The following NKAIN2 variants were observed in gnomAD, a reference collection of about 807,000 sequenced individuals.
The protein encoded by NKAIN2 is sodium/potassium-transporting ATPase subunit beta-1-interacting protein 2.
In NKAIN2, 14 loss-of-function variants were observed where a neutral mutation model predicts 32.6. The observed-to-expected ratio is 0.43, with a 90% CI of 0.28 to 0.67. The LOEUF (loss-of-function observed/expected upper bound fraction) is 0.67, where lower values mean the gene tolerates loss of function less well. Ranked by LOEUF, NKAIN2 falls within the 30% of genes least tolerant of loss-of-function variation. NKAIN2 has a pLI of 0.17. For missense variants in NKAIN2, 198 were observed against 258.3 expected (o/e 0.77, Z 1.60); for synonymous variants, 80 against 87.2 (o/e 0.92, Z 0.46).
At chr6:124,225,642 T>C (rs1792066168) in intron 1 of NKAIN2, among the ~76,000 whole-genome samples, 1 of 151,968 alleles carries the variant, frequency 6.6e-6, no homozygotes, top group Non-Finnish European at 1.5e-5. Context: ...AAATTAAATA[T>C]GGAAAAATAT....
intron 1 of NKAIN2, among the ~76,000 whole-genome samples, chr6:124,069,749 C>T (rs1455915509): frequency 2.0e-5 from 3 of 152,166 alleles, no homozygotes; most frequent in African/African-American, 4.8e-5. Context: ...GTCCTGCTAG[C>T]AGGTGCCACC....
intron 1 of NKAIN2, among the ~76,000 whole-genome samples, chr6:124,206,818 A>G (rs2114644846): frequency 6.6e-6 from 1 of 151,978 alleles, no homozygotes; most frequent in Middle Eastern, 3.4e-3. Context: ...TGGGATTAGC[A>G]CAAAGACTAA....
chr6:124,219,049 A>T (rs910553524), intron 1 of NKAIN2, among the ~76,000 whole-genome samples: 2 of 152,030 alleles, frequency 1.3e-5, no homozygotes, highest in South Asian at 4.1e-4. Context: ...GACCACCTCC[A>T]TGATGCAATC....
chr6:124,509,464 C>T (rs1778626441), intron 3 of NKAIN2, among the ~76,000 whole-genome samples: 1 of 152,178 alleles, frequency 6.6e-6, no homozygotes, highest in African/African-American at 2.4e-5. Context: ...TATAGGTCAT[C>T]GTTGGGCTAA....
intron 3 of NKAIN2, among the ~76,000 whole-genome samples, chr6:124,449,851 C>A (rs78460738): frequency 0.046 from 6,957 of 152,170 alleles, 271 homozygotes; most frequent in Non-Finnish European, 0.066. Context: ...TCAAGAAATG[C>A]TAATTAGATT....
chr6:124,615,113 A>G (rs1178935863), intron 3 of NKAIN2, among the ~76,000 whole-genome samples: 1 of 152,140 alleles, frequency 6.6e-6, no homozygotes, highest in Non-Finnish European at 1.5e-5. Flanking sequence ...CTGCCTATAT[A>G]TGTATTTGTT....
At chr6:124,415,932 TCTC>T (rs1469699104) in intron 3 of NKAIN2, among the ~76,000 whole-genome samples, 2 of 147,920 alleles carry the variant, frequency 1.4e-5, no homozygotes, top group East Asian at 2.1e-4. Context: ...AGTCTTATCT[TCTC>T]CTCTGTGACT....
intron 1 of NKAIN2, among the ~76,000 whole-genome samples, chr6:124,102,006 G>A (rs1376764666): frequency 6.6e-6 from 1 of 152,196 alleles, no homozygotes; most frequent in Non-Finnish European, 1.5e-5. Context: ...CCAAATGATG[G>A]CCCAACACTC....
chr6:124,589,748 T>C (rs931737534), intron 3 of NKAIN2, among the ~76,000 whole-genome samples: 2 of 152,130 alleles, frequency 1.3e-5, no homozygotes, highest in African/African-American at 2.4e-5. Context: ...GCCATGGTGG[T>C]TTGCTGCACC....
At chr6:124,409,302 C>T (rs1219206572) in intron 3 of NKAIN2, among the ~76,000 whole-genome samples, 1 of 152,074 alleles carries the variant, frequency 6.6e-6, no homozygotes, top group Non-Finnish European at 1.5e-5. Context: ...CCAGTTTTTG[C>T]CCATTCAGTA....
intron 3 of NKAIN2, among the ~76,000 whole-genome samples, chr6:124,543,785 C>T (rs867605621): frequency 7.9e-5 from 12 of 152,056 alleles, no homozygotes; most frequent in South Asian, 6.2e-4. Flanking sequence ...TCCTCCAAAA[C>T]GAGAAGGGCC....
chr6:124,236,200 T>C (rs549309409), intron 1 of NKAIN2, among the ~76,000 whole-genome samples: 100 of 152,332 alleles, frequency 6.6e-4, no homozygotes, highest in South Asian at 5.6e-3. Flanking sequence ...CAAGGCAGTA[T>C]GCTATGTGAT....
chr6:123,944,014 G>C (rs574161652), intron 1 of NKAIN2, among the ~76,000 whole-genome samples: 1 of 151,964 alleles, frequency 6.6e-6, no homozygotes. Flanking sequence ...GGCATTAATT[G>C]ATTCCAAAGG....
chr6:123,986,686 T>C (rs9491033), intron 1 of NKAIN2, among the ~76,000 whole-genome samples: 103,228 of 151,754 alleles, frequency 0.68, 35,468 homozygotes, highest in East Asian at 0.86. Context: ...TATTTTCATA[T>C]TCCCAGGTAA....
intron 1 of NKAIN2, among the ~76,000 whole-genome samples, chr6:123,820,341 C>T (rs1300405983): frequency 6.6e-6 from 1 of 152,160 alleles, no homozygotes; most frequent in Non-Finnish European, 1.5e-5. Flanking sequence ...AGAAAATACA[C>T]TACTGGGACA....
intron 1 of NKAIN2, among the ~76,000 whole-genome samples, chr6:124,048,863 A>G (rs928071530): frequency 6.6e-6 from 1 of 152,062 alleles, no homozygotes; most frequent in African/African-American, 2.4e-5. Context: ...GCTCAGTCGT[A>G]TTAGGTCTTT....
At chr6:124,028,857 CTATATATACACATATATGTATA>C (rs1781257393) in intron 1 of NKAIN2, among the ~76,000 whole-genome samples, 1 of 124,862 alleles carries the variant, frequency 8.0e-6, no homozygotes. Flanking sequence ...ATGTGTGTGT[CTATATATACACATATATGTATA>C]TATATGTGTA....
intron 3 of NKAIN2, among the ~76,000 whole-genome samples, chr6:124,364,250 A>AAAAAAAAGAGAG (rs3054409): frequency 6.4e-5 from 9 of 139,746 alleles, no homozygotes; most frequent in South Asian, 4.5e-4. Flanking sequence ...AAAAAAAAAA[A>AAAAAAAAGAGAG]AGAGAGAAAA....
In NKAIN2 at chr6:123,867,024, A is replaced by G. The variant is rs373286657; in HGVS notation, c.54+62770A>G. ...CTTACATAAATGACTTCTCATTCCT[A>G]AACAGACCTTCCTTCTGACCTCCAC... On this transcript the variant is annotated intron_variant, in intron 1 of 6. Transcript: ENST00000368417. 4.3e-4 allele frequency among the ~76,000 whole-genome samples: 65 copies of G among 152,140 alleles called. 1 individual carries two copies. The highest frequency in any genetic ancestry group is 1.5e-3 in the African/African-American group (63 of 41,418).
Sources: allele counts gnomAD v4.1 joint callset (sites outside exome capture counted in the v4.1 genomes callset), GRCh38; gene constraint gnomAD v4.1.1; transcripts MANE v1.5; gene names NCBI Gene and HGNC (gene_info 2026-07-23, HGNC 2026-07-21).